Variants in SPATA17 observed in about 807,000 individuals in gnomAD.
SPATA17 encodes spermatogenesis associated 17, also known as spermatogenesis-associated protein 17.
A neutral mutation model predicts 62.2 loss-of-function variants in SPATA17; 53 were observed. The ratio of observed to expected loss-of-function variants is 0.85; its 90% CI spans 0.68 to 1.07. The LOEUF is 1.07. Ranked by LOEUF, SPATA17 falls within the 50% of genes least tolerant of loss-of-function variation. The pLI is 0.00. For synonymous variants in SPATA17, 146 were observed against 146.8 expected (o/e 0.99, Z 0.04); for missense variants, 466 against 425.5 (o/e 1.10, Z -0.84).
rs573315253 is a variant in SPATA17 at position 217,843,636 on chromosome 1, C to G, written c.1006-19138C>G. Among the ~76,000 whole-genome samples the G allele has an allele frequency of 6.6e-4, 100 of 151,862 alleles. 4 individuals are homozygous for G. The South Asian group carries it at 0.02, about 31-fold the overall frequency. ...CAAACTTTTTTTTAATGGCCAGGGACTAATTATTTTAAGTTTTGATGGCTA... is the reference window on the plus strand; with the variant it reads ...CAAACTTTTTTTTAATGGCCAGGGAGTAATTATTTTAAGTTTTGATGGCTA... On this transcript the variant is annotated intron_variant, in intron 9 of 10. Transcript: ENST00000366933.
intron 5 of SPATA17, among the ~76,000 whole-genome samples, chr1:217,724,146 TTG>T (rs1271519012): frequency 6.6e-6 from 1 of 152,230 alleles, no homozygotes; most frequent in Non-Finnish European, 1.5e-5. Flanking sequence ...TCCATGGTGT[TTG>T]TGCCATAACT....
chr1:217,731,875 A>G (rs1672408893), intron 5 of SPATA17, among the ~76,000 whole-genome samples: 1 of 152,176 alleles, frequency 6.6e-6, no homozygotes, highest in African/African-American at 2.4e-5. Context: ...ACCTAAATAA[A>G]CTGAAATTTT....
At chr1:217,854,856 G>C (rs980671316) in intron 9 of SPATA17, among the ~76,000 whole-genome samples, 1 of 152,060 alleles carries the variant, frequency 6.6e-6, no homozygotes, top group Non-Finnish European at 1.5e-5. Context: ...ACAAGTTCAC[G>C]GTTTCCCCAG....
intron 9 of SPATA17, among the ~76,000 whole-genome samples, chr1:217,861,080 C>A (rs966166342): frequency 2.0e-5 from 3 of 152,152 alleles, no homozygotes; most frequent in Admixed American, 1.3e-4. Context: ...GTGCAGTTAC[C>A]TTATAACAGA....
At chr1:217,664,983 G>A (rs1558557556) in intron 3 of SPATA17, among the ~76,000 whole-genome samples, 1 of 152,104 alleles carries the variant, frequency 6.6e-6, no homozygotes, top group Non-Finnish European at 1.5e-5. Context: ...ATATGAAAGG[G>A]AGAAGAAAAA....
chr1:217,677,415 T>C (rs1015702013), intron 4 of SPATA17, among the ~76,000 whole-genome samples: 1 of 152,100 alleles, frequency 6.6e-6, no homozygotes, highest in African/African-American at 2.4e-5. Flanking sequence ...TATAATACTA[T>C]GAAGTAAGCA....
At chr1:217,747,102 A>G (rs1672776988) in intron 6 of SPATA17, among the ~76,000 whole-genome samples, 1 of 152,122 alleles carries the variant, frequency 6.6e-6, no homozygotes, top group South Asian at 2.1e-4. Flanking sequence ...AAGTTTTATG[A>G]AAGGAAGACT....
chr1:217,682,377 A>C (rs916481537), intron 4 of SPATA17, among the ~76,000 whole-genome samples: 4 of 151,600 alleles, frequency 2.6e-5, no homozygotes, highest in African/African-American at 4.8e-5. Flanking sequence ...AAAAAAAAAA[A>C]CACCCTACTT....
chr1:217,825,113 T>C (rs1674960832), intron 9 of SPATA17, among the ~76,000 whole-genome samples: 1 of 150,998 alleles, frequency 6.6e-6, no homozygotes, highest in African/African-American at 2.4e-5. Context: ...TCCTAAAATA[T>C]ACAAAACAAA....
chr1:217,696,593 A>T (rs1366253345), intron 5 of SPATA17, among the ~76,000 whole-genome samples: 4 of 152,156 alleles, frequency 2.6e-5, no homozygotes, highest in Non-Finnish European at 5.9e-5. Context: ...GTTTCTTGTA[A>T]GATTTTATTT....
At chr1:217,748,795 G>T (rs1290718603) in intron 6 of SPATA17, among the ~76,000 whole-genome samples, 2 of 150,232 alleles carry the variant, frequency 1.3e-5, no homozygotes, top group African/African-American at 4.9e-5. Context: ...TATTACTTTC[G>T]ACTCTATCTT....
rs369037757 is a variant in SPATA17 at position 217,832,937 on chromosome 1, C to T, written c.1006-29837C>T. Among the ~76,000 whole-genome samples, 191 of 151,812 alleles carry T rather than the reference C, an allele frequency of 1.3e-3. 1 individual carries two copies. The highest frequency in any genetic ancestry group is 4.0e-3 in the African/African-American group (167 of 41,428). On this transcript the variant is annotated intron_variant, in intron 9 of 10. Coordinates refer to ENST00000366933, the MANE Select transcript of SPATA17 (RefSeq NM_138796.4). ...CCAGCCTGTGTAACAGAGTGAGACCCCGTCTCAAAGAAAAAAAAAAAAGTT... is the reference window on the plus strand; with the variant it reads ...CCAGCCTGTGTAACAGAGTGAGACCTCGTCTCAAAGAAAAAAAAAAAAGTT...
In SPATA17 at chr1:217,690,939, G is replaced by A. The variant is rs898611078; in HGVS notation, c.395+7578G>A. 3.3e-4 allele frequency among the ~76,000 whole-genome samples: 49 copies of A among 146,418 alleles called. 2 individuals are homozygous for A. In the South Asian group the frequency reaches 6.3e-3, roughly 19 times the overall value. On this transcript the variant is annotated intron_variant, in intron 5 of 10. Transcript: ENST00000366933. ...AGTCTTTGCTATTGTGAATAATGCC[G>A]CAATAAACGTACGTGTGCATGTGTC...
intron 5 of SPATA17, among the ~76,000 whole-genome samples, chr1:217,707,557 G>C (rs980879058): frequency 6.6e-6 from 1 of 152,120 alleles, no homozygotes; most frequent in Non-Finnish European, 1.5e-5. Flanking sequence ...GATTTTGGCT[G>C]TGCATTTGCC....
chr1:217,834,191 C>A (rs1675208356), intron 9 of SPATA17, among the ~76,000 whole-genome samples: 1 of 152,038 alleles, frequency 6.6e-6, no homozygotes, highest in Non-Finnish European at 1.5e-5. Context: ...ATTGCTTTAC[C>A]AGCCATATAA....
chr1:217,727,286 TAAC>T (rs1553369910), intron 5 of SPATA17, among the ~76,000 whole-genome samples: 9 of 143,212 alleles, frequency 6.3e-5, no homozygotes, highest in African/African-American at 2.2e-4. Flanking sequence ...ATAATAATAA[TAAC>T]AACAAAAAAC....
chr1:217,658,264 G>A (rs964416822), intron 3 of SPATA17, among the ~76,000 whole-genome samples: 2 of 152,100 alleles, frequency 1.3e-5, no homozygotes, highest in African/African-American at 4.8e-5. Context: ...AGTAATGAGT[G>A]AGTTCTCGTG....
At position 217,793,228 on chromosome 1, in the gene SPATA17, T is replaced by TGTTTG. The variant is rs1227372886; in HGVS notation, c.873-8490_873-8489insGTTTG. On this transcript the variant is annotated intron_variant, in intron 8 of 10. Transcript: ENST00000366933. The stretch of plus-strand genomic sequence containing the variant: ...GTTAGGGCAGTGGTTTTTGTTTTTT[T>TGTTTG]TTTTTTTTTTGAGACGGAGTCTTGC... Among the ~76,000 whole-genome samples, 5 of 145,968 alleles carry TGTTTG rather than the reference T, an allele frequency of 3.4e-5. No individual in the cohort carries two copies. In the South Asian group the frequency reaches 6.7e-4, roughly 20 times the overall value.
In SPATA17 at chr1:217,854,831, A is replaced by C. The variant is rs76388301; in HGVS notation, c.1006-7943A>C. 7.5e-3 allele frequency among the ~76,000 whole-genome samples: 1,138 copies of C among 152,316 alleles called. 14 individuals are homozygous for C. The highest frequency in any genetic ancestry group is 0.026 in the African/African-American group (1,075 of 41,580). On this transcript the variant is annotated intron_variant, in intron 9 of 10. Transcript: ENST00000366933. ...GAGAGTAAGGATGTGCTACTCCAGAAGTCTCAAACTTTTAACAAGTTCACG... is the reference window on the plus strand; with the variant it reads ...GAGAGTAAGGATGTGCTACTCCAGACGTCTCAAACTTTTAACAAGTTCACG...
Sources: gnomAD v4.1 joint callset for allele counts (sites outside exome capture counted in the v4.1 genomes callset) on GRCh38, gnomAD v4.1.1 for gene constraint, MANE v1.5 for transcripts, NCBI Gene and HGNC (gene_info 2026-07-23, HGNC 2026-07-21) for gene names.